Variants in NLK observed in about 807,000 individuals in gnomAD.
NLK encodes nemo like kinase.
Under a neutral mutation model 59.0 loss-of-function variants are expected in NLK, and 11 were observed. That is an observed-to-expected ratio of 0.19 (90% CI 0.12 to 0.31). NLK has a LOEUF of 0.31. NLK is among the 10% of genes least tolerant of loss of function. The probability of loss-of-function intolerance (pLI) is 1.00; values close to 1 mark genes in which losing one functional copy is unlikely to be tolerated. For missense variants in NLK, 410 were observed against 661.1 expected (o/e 0.62, Z 4.16); for synonymous variants, 235 against 235.9 (o/e 1.00, Z 0.03).
intron 3 of NLK, among the ~76,000 whole-genome samples, chr17:28,155,130 CTA>C (rs931056627): frequency 4.0e-4 from 61 of 152,320 alleles, no homozygotes; most frequent in African/African-American, 1.4e-3. Flanking sequence ...CGTTAGAACA[CTA>C]TGCAGTCATT....
chr17:28,190,496 T>G (rs1359320132), intron 8 of NLK, among the ~76,000 whole-genome samples: 2 of 152,150 alleles, frequency 1.3e-5, no homozygotes, highest in African/African-American at 4.8e-5. Flanking sequence ...ATATTCAGAC[T>G]GAGCTATATC....
At chr17:28,169,721 C>CTTTTTTTTTTTTTTT (rs1193124964) in intron 6 of NLK, among the ~76,000 whole-genome samples, 14 of 111,620 alleles carry the variant, frequency 1.3e-4, no homozygotes, top group African/African-American at 4.4e-4. Context: ...GCTTCTTCTT[C>CTTTTTTTTTTTTTTT]TTTTTTTTTT....
chr17:28,076,644 A>T (rs1389051093), intron 1 of NLK, among the ~76,000 whole-genome samples: 3 of 152,070 alleles, frequency 2.0e-5, no homozygotes, highest in African/African-American at 4.8e-5. Flanking sequence ...AAATTTTGAT[A>T]TTTTTCCTGA....
chr17:28,129,727 G>C (rs1046373858), intron 2 of NLK, among the ~76,000 whole-genome samples: 12 of 152,074 alleles, frequency 7.9e-5, no homozygotes, highest in Non-Finnish European at 1.3e-4. Flanking sequence ...TTGTCTTTGA[G>C]TCCTTGGCAG....
At chr17:28,180,897 C>T (rs1908877880) in intron 7 of NLK, among the ~76,000 whole-genome samples, 1 of 152,222 alleles carries the variant, frequency 6.6e-6, no homozygotes, top group Admixed American at 6.5e-5. Flanking sequence ...TCACTCTCCA[C>T]CTCTCCTTAT....
At chr17:28,070,823 T>G (rs1909982292) in intron 1 of NLK, among the ~76,000 whole-genome samples, 1 of 152,240 alleles carries the variant, frequency 6.6e-6, no homozygotes, top group African/African-American at 2.4e-5. Context: ...CATCCTTCTT[T>G]AAGAAGATTT....
intron 1 of NLK, among the ~76,000 whole-genome samples, chr17:28,101,575 T>C (rs1904903797): frequency 6.6e-6 from 1 of 152,192 alleles, no homozygotes; most frequent in African/African-American, 2.4e-5. Context: ...TTCATCTTTA[T>C]CTTCTAATTA....
chr17:28,155,616 T>C (rs1167484546), intron 3 of NLK, among the ~76,000 whole-genome samples: 1 of 152,200 alleles, frequency 6.6e-6, no homozygotes, highest in Non-Finnish European at 1.5e-5. Flanking sequence ...AAGGATGAGT[T>C]CATGTCCTTT....
chr17:28,112,608 A>G (rs1363171095), intron 1 of NLK, among the ~76,000 whole-genome samples: 1 of 151,890 alleles, frequency 6.6e-6, no homozygotes, highest in Non-Finnish European at 1.5e-5. Flanking sequence ...GGATTTGCTG[A>G]CCTCTTCAAT....
intron 1 of NLK, among the ~76,000 whole-genome samples, chr17:28,075,626 T>C (rs991489506): frequency 1.3e-5 from 2 of 152,212 alleles, no homozygotes; most frequent in Non-Finnish European, 2.9e-5. Context: ...TGCCTCAACT[T>C]AAAAACTGTT....
rs546317734 is a variant in NLK at position 28,173,588 on chromosome 17, T to C, written c.1149+970T>C. Among the ~76,000 whole-genome samples, 3 of 152,268 alleles carry C rather than the reference T, an allele frequency of 2.0e-5. No homozygotes were observed. The East Asian group carries it at 5.8e-4, about 29-fold the overall frequency. The stretch of plus-strand genomic sequence containing the variant: ...TCTAAAACCAGCCCAGGCTAGTAAA[T>C]AGAGATGTATGCTTGTATGTTAAAT... On this transcript the variant is annotated intron_variant, in intron 7 of 10. Transcript: ENST00000407008.
chr17:28,091,625 G>A (rs1487981015), intron 1 of NLK, among the ~76,000 whole-genome samples: 1 of 151,994 alleles, frequency 6.6e-6, no homozygotes, highest in Non-Finnish European at 1.5e-5. Flanking sequence ...CCAAATAAAA[G>A]TTATTCCCAG....
intron 2 of NLK, among the ~76,000 whole-genome samples, chr17:28,127,971 A>C (rs1906358743): frequency 6.6e-6 from 1 of 152,156 alleles, no homozygotes. Context: ...TACTATATAC[A>C]TGTTCACCTG....
intron 3 of NLK, among the ~76,000 whole-genome samples, chr17:28,143,159 T>C (rs2041258229): frequency 6.6e-6 from 1 of 151,632 alleles, no homozygotes; most frequent in South Asian, 2.1e-4. Context: ...TTCTCCTGCC[T>C]CAACCTCCTG....
the NLK span, among the ~76,000 whole-genome samples, chr17:28,203,871 T>G: frequency 6.6e-6 from 1 of 152,186 alleles, no homozygotes; most frequent in African/African-American, 2.4e-5. Flanking sequence ...GTGCCCATTC[T>G]GGATTTGGGG....
chr17:28,198,331 C>A (rs943330522), downstream of NLK, among the ~76,000 whole-genome samples: 2 of 151,820 alleles, frequency 1.3e-5, no homozygotes, highest in Admixed American at 6.6e-5. Flanking sequence ...GAGTCAACTT[C>A]ACTAACTTTT....
intron 1 of NLK, among the ~76,000 whole-genome samples, chr17:28,104,323 C>T (rs551384483): frequency 1.3e-5 from 2 of 152,238 alleles, no homozygotes; most frequent in Admixed American, 6.5e-5. Context: ...GGTGCAATCT[C>T]GGCTCACTGC....
At chr17:28,202,151 T>C in the NLK span, among the ~76,000 whole-genome samples, 7 of 152,170 alleles carry the variant, frequency 4.6e-5, no homozygotes, top group African/African-American at 1.7e-4. Context: ...ATCCCAACAC[T>C]TTGAGAGGCT....
At chr17:28,049,730 C>T (rs912855962) in intron 1 of NLK, among the ~76,000 whole-genome samples, 7 of 152,120 alleles carry the variant, frequency 4.6e-5, no homozygotes, top group Non-Finnish European at 8.8e-5. Flanking sequence ...CGCCTGTAAT[C>T]CCAGCACTTT....
Sources: gnomAD v4.1 joint callset for allele counts (sites outside exome capture counted in the v4.1 genomes callset) on GRCh38, gnomAD v4.1.1 for gene constraint, MANE v1.5 for transcripts, NCBI Gene and HGNC (gene_info 2026-07-23, HGNC 2026-07-21) for gene names.